NAP1L3: variants seen among roughly 807,000 people sequenced by gnomAD.
NAP1L3 encodes nucleosome assembly protein 1 like 3.
For synonymous variants in NAP1L3, 127 were observed against 131.9 expected, an observed-to-expected ratio of 0.96 and a Z score of 0.25; for missense variants, 378 against 369.9, an observed-to-expected ratio of 1.02 and a Z score of -0.18.
At position 93,673,172 on chromosome X, in the gene NAP1L3, T is replaced by A. The variant is rs756992591; in HGVS notation, c.133A>T (p.Ser45Cys). Residue 45 changes from serine (S) to cysteine (C), a missense_variant, in exon 1 of 1, where the codon AGC (serine) becomes TGC (cysteine). Transcript: ENST00000373079. ...SSSSSSSTSDSSSSSSTSGSS... is the reference protein window; with the variant it reads ...SSSSSSSTSDCSSSSSTSGSS... ...CCACTAGTGCTGCTGCTGCTGCTGC[T>A]GTCACTAGTGCTGCTGCTAGAGCTA... The A allele has an allele frequency of 8.3e-7, 1 of 1,211,193 alleles. No homozygotes were observed. The highest frequency in any genetic ancestry group is 1.8e-5 in the South Asian group (1 of 56,934).
In NAP1L3 at chrX:93,673,276, G is replaced by A. The variant is rs760945470; in HGVS notation, c.29C>T (p.Ser10Leu). MAEADFKMVSEPVAHGVAEE... is the reference protein window; with the variant it reads MAEADFKMVLEPVAHGVAEE... ...GGCAACCCCATGGGCGACAGGTTCC[G>A]AGACCATTTTAAAATCTGCTTCTGC... Residue 10 changes from serine to leucine, a missense_variant, in exon 1 of 1, where the codon TCG (serine) becomes TTG (leucine). Physicochemically the swap from Ser to Leu is moderately radical, Grantham distance 145 (BLOSUM62 -2). Transcript: ENST00000373079. 4 of 1,193,865 alleles carry A rather than the reference G, an allele frequency of 3.4e-6. No homozygotes were observed. The highest frequency in any genetic ancestry group is 2.3e-5 in the Admixed American group (1 of 43,828).
chrX:93,672,967 T>C lies in NAP1L3; in HGVS notation c.338A>G (p.Asn113Ser). The change falls in exon 1 of 1, where the codon AAC (asparagine) becomes AGC (serine). Residue 113 changes from asparagine to serine, a missense_variant. Physicochemically the swap from Asn to Ser is conservative, Grantham distance 46. Transcript: ENST00000373079. ...AVRNRVQALR[N>S]IQDECDKVDT... ...TACCTTGTCACATTCATCTTGAATG[T>C]TTCTAAGCGCTTGCACACGATTTCT... 1 of 1,211,905 alleles carries C rather than the reference T, an allele frequency of 8.3e-7. No homozygotes were observed. The highest frequency in any genetic ancestry group is 1.1e-6 in the Non-Finnish European group (1 of 895,587).
rs1924405984 is a variant in NAP1L3, at chrX:93,672,666, A to T, written c.639T>A (p.Ile213=). The T allele has an allele frequency of 8.3e-7, 1 of 1,210,749 alleles. No individual in the cohort carries two copies. The highest frequency in any genetic ancestry group is 1.1e-6 in the Non-Finnish European group (1 of 895,356). ...KAEEKEVPKE[I]PEVKDEEKEV... is the part of the protein sequence containing the mutation. ...CCTTTTCTTCATCCTTCACCTCAGG[A>T]ATTTCTTTAGGAACTTCCTTCTCTT... Residue 213 remains isoleucine, a synonymous_variant, in exon 1 of 1, where the codon ATT becomes ATA. Transcript: ENST00000373079.
At position 93,671,806 on chromosome X, in the gene NAP1L3, C is replaced by T. The variant is rs772029351; in HGVS notation, c.1499G>A (p.Gly500Glu). 1 of 1,198,891 alleles carries T rather than the reference C, an allele frequency of 8.3e-7. No homozygotes were observed. Among genetic ancestry groups the T allele is most frequent in the South Asian group, 1.8e-5 (1 of 55,035 alleles). ...GACTTATTTTCTGTATTTCTTGTTT[C>T]CATAATGTTTGCCAAATTGATAGTA... ...GTYYQFGKHY[G>E]NKKYRK The change falls in exon 1 of 1, where the codon GGA (glycine) becomes GAA (glutamate). Residue 500 changes from glycine to glutamate, a missense_variant. Transcript: ENST00000373079.
rs1323923437 is a variant in NAP1L3 at position 93,673,106 on chromosome X, T to A, written c.199A>T (p.Ser67Cys). The change falls in exon 1 of 1, where the codon AGC becomes TGC. Residue 67 changes from serine to cysteine, a missense_variant. Ser to Cys is a moderately radical substitution (Grantham distance 112, BLOSUM62 -1). Transcript: ENST00000373079. ...GSGSSSSSSGSTSSRSRLYRK... is the reference protein window; with the variant it reads ...GSGSSSSSSGCTSSRSRLYRK... ...TACAAGCGGCTGCGGCTGCTAGTGCTGCCGCTGCTGCTGCTGCTGCTGCCG... is the reference window on the plus strand; with the variant it reads ...TACAAGCGGCTGCGGCTGCTAGTGCAGCCGCTGCTGCTGCTGCTGCTGCCG... The A allele has an allele frequency of 8.3e-7, 1 of 1,205,066 alleles. No individual in the cohort carries two copies. The highest frequency in any genetic ancestry group is 2.2e-5 in the Admixed American group (1 of 45,302).
chrX:93,672,434 C>T lies in NAP1L3; in HGVS notation c.871G>A (p.Asp291Asn). The T allele has an allele frequency of 8.3e-7, 1 of 1,211,622 alleles. No homozygotes were observed. Among genetic ancestry groups the T allele is most frequent in the East Asian group, 3.0e-5 (1 of 33,812 alleles). ...HKRVPEERLQ[D>N]SVDLKRARKG... ...CTAGCTCTTTTAAGATCTACACTGT[C>T]CTGAAGCCTTTCCTCAGGAACTCTT... The change falls in exon 1 of 1, where the codon GAC (aspartate) becomes AAC (asparagine). Residue 291 changes from aspartate (D) to asparagine (N), a missense_variant. Physicochemically the swap from Asp to Asn is conservative, Grantham distance 23. Transcript: ENST00000373079.
chrX:93,673,024 G>T lies in NAP1L3; in HGVS notation c.281C>A (p.Thr94Lys), dbSNP rs767637414. The change falls in exon 1 of 1, where the codon ACA becomes AAA. Residue 94 changes from threonine (T) to lysine (K), a missense_variant. Thr to Lys is a moderately conservative substitution (Grantham distance 78, BLOSUM62 -1). Coordinates refer to ENST00000373079, the MANE Select transcript of NAP1L3 (RefSeq NM_004538.6). ...SRRARRAPLG[T>K]NFVDRLPQAV... ...CTGAGGCAGCCTATCCACGAAATTT[G>T]TTCCCAACGGGGCCCGCCGCGCCCT... is the stretch of plus-strand genomic sequence containing the variant. 2.5e-6 allele frequency: 3 copies of T among 1,210,924 alleles called. No homozygotes were observed. Among genetic ancestry groups the T allele is most frequent in the Admixed American group, 4.4e-5 (2 of 45,977 alleles).
rs754626237 is a variant in NAP1L3 at position 93,671,903 on chromosome X, T to C, written c.1402A>G (p.Ile468Val). ...ACATTATCATGTAAAATCTGCCCAATTTCAAAGTCCTCATCCAGGATAGCA... is the reference window on the plus strand; with the variant it reads ...ACATTATCATGTAAAATCTGCCCAACTTCAAAGTCCTCATCCAGGATAGCA... ...EDAILDEDFE[I>V]GQILHDNVIL... The change falls in exon 1 of 1, where the codon ATT becomes GTT. Residue 468 changes from isoleucine to valine, a missense_variant. Physicochemically the swap from Ile to Val is conservative, Grantham distance 29. Coordinates refer to ENST00000373079, the MANE Select transcript of NAP1L3 (RefSeq NM_004538.6). The C allele has an allele frequency of 1.7e-6, 2 of 1,211,050 alleles. No homozygotes were observed. Among genetic ancestry groups the C allele is most frequent in the Non-Finnish European group, 2.2e-6 (2 of 895,099 alleles).
At position 93,671,902 on chromosome X, in the gene NAP1L3, A is replaced by G; in HGVS notation, c.1403T>C (p.Ile468Thr). The G allele has an allele frequency of 4.1e-6, 5 of 1,210,943 alleles. No individual in the cohort carries two copies. Among genetic ancestry groups the G allele is most frequent in the Non-Finnish European group, 5.6e-6 (5 of 895,112 alleles). The change falls in exon 1 of 1, where the codon ATT becomes ACT. Residue 468 changes from isoleucine to threonine, a missense_variant. Ile to Thr is a moderately conservative substitution (Grantham distance 89, BLOSUM62 -1). Transcript: ENST00000373079. ...GACATTATCATGTAAAATCTGCCCA[A>G]TTTCAAAGTCCTCATCCAGGATAGC... ...EDAILDEDFE[I>T]GQILHDNVIL... is the part of the protein sequence containing the mutation.
Position 93,671,584 on chromosome X carries a change from C to T in NAP1L3, c.*200G>A, listed in dbSNP as rs892872331. On this transcript the variant is annotated 3_prime_UTR_variant, in exon 1 of 1. Transcript: ENST00000373079. ...TATTTTGAAGAATATTATACTACAA[C>T]AGCCTAGATAGAATAAACTGGCACT... 5.9e-6 allele frequency: 3 copies of T among 512,628 alleles called. No individual in the cohort carries two copies. In the East Asian group the frequency reaches 1.2e-4, roughly 20 times the overall value. The allele number at this position is 512,628 out of a possible 1,213,427, so 42.2% of individuals were successfully genotyped here.
rs1342491930 is a variant in NAP1L3 at position 93,672,399 on chromosome X, C to A, written c.906G>T (p.Lys302Asn). 1 of 1,083,217 alleles carries A rather than the reference C, an allele frequency of 9.2e-7. No homozygotes were observed. The highest frequency in any genetic ancestry group is 2.4e-5 in the South Asian group (1 of 41,003). 89.3% of individuals were successfully genotyped at this position (1,083,217 alleles called of 1,213,427 possible). ...SVDLKRARKGKPKREDPKGIP... is the reference protein window; with the variant it reads ...SVDLKRARKGNPKREDPKGIP... ...TGCCTTTAGGGTCTTCTCTTTTAGG[C>A]TTTCCCTTCCTAGCTCTTTTAAGAT... The change falls in exon 1 of 1, where the codon AAG (lysine) becomes AAT (asparagine). Residue 302 changes from lysine to asparagine, a missense_variant. Coordinates refer to ENST00000373079, the MANE Select transcript of NAP1L3 (RefSeq NM_004538.6).
chrX:93,672,234 G>A lies in NAP1L3; in HGVS notation c.1071C>T (p.Thr357=), dbSNP rs763645874. The part of the protein sequence containing the change: ...FSKPGQPVSY[T]FEFHFLPNPY... ...GGTTGGGTAGAAAATGAAATTCAAA[G>A]GTGTAACTTACAGGCTGGCCAGGTT... The change falls in exon 1 of 1, where the codon ACC becomes ACT. Residue 357 remains threonine (T), a synonymous_variant. Transcript: ENST00000373079. 8.3e-7 allele frequency: 1 copy of A among 1,209,737 alleles called. No individual in the cohort carries two copies. The highest frequency in any genetic ancestry group is 1.1e-6 in the Non-Finnish European group (1 of 895,233).
chrX:93,671,966 CAGG>C lies in NAP1L3; in HGVS notation c.1336_1338del (p.Pro446del), dbSNP rs1300007733. Reference sequence around the variant, plus strand: ...TCCAGCTTCCCAATCATAGGAATCTCAGGAGGACTAAAGAAGTTGAAGAATGAT... The same window carrying C: ...TCCAGCTTCCCAATCATAGGAATCTCAGGACTAAAGAAGTTGAAGAATGAT... On this transcript the variant is annotated inframe_deletion, in exon 1 of 1. Coordinates refer to ENST00000373079, the MANE Select transcript of NAP1L3 (RefSeq NM_004538.6). 1 of 1,208,603 alleles carries C rather than the reference CAGG, an allele frequency of 8.3e-7. No homozygotes were observed. Among genetic ancestry groups the C allele is most frequent in the Non-Finnish European group, 1.1e-6 (1 of 893,820 alleles).
rs1486828831 is a variant in NAP1L3 at position 93,671,653 on chromosome X, AACCACAAAAACTTG to A, written c.*117_*130del. On this transcript the variant is annotated 3_prime_UTR_variant, in exon 1 of 1. Coordinates refer to ENST00000373079, the MANE Select transcript of NAP1L3 (RefSeq NM_004538.6). ...ATTTTTAAAATATAGACTACCAAGA[AACCACAAAAACTTG>A]ACTATAAGGAATAATAGTGTTCAGG... is the stretch of plus-strand genomic sequence containing the variant. 4 of 1,017,720 alleles carry A rather than the reference AACCACAAAAACTTG, an allele frequency of 3.9e-6. No individual in the cohort carries two copies. Among genetic ancestry groups the A allele is most frequent in the Admixed American group, 8.2e-5 (2 of 24,433 alleles). The allele number at this position is 1,017,720 out of a possible 1,213,427, so 83.9% of individuals were successfully genotyped here.
At position 93,673,130 on chromosome X, in the gene NAP1L3, C is replaced by CGCT; in HGVS notation, c.172_174dup (p.Ser58dup). The CGCT allele has an allele frequency of 1.7e-6, 2 of 1,193,964 alleles. No individual in the cohort carries two copies. The highest frequency in any genetic ancestry group is 2.3e-6 in the Non-Finnish European group (2 of 885,807). Reference sequence around the variant, plus strand: ...CTGCCGCTGCTGCTGCTGCTGCTGCCGCTGCCGCTGCTGCTGCCACTAGTG... The same window carrying CGCT: ...CTGCCGCTGCTGCTGCTGCTGCTGCCGCTGCTGCCGCTGCTGCTGCCACTAGTG... On this transcript the variant is annotated inframe_insertion, in exon 1 of 1. Transcript: ENST00000373079.
Position 93,673,123 on chromosome X carries a change from C to CTAG in NAP1L3, c.181_182insCTA (p.Ser60_Ser61insThr), listed in dbSNP as rs1483031982. The CTAG allele has an allele frequency of 8.4e-7, 1 of 1,195,240 alleles. No homozygotes were observed. Among genetic ancestry groups the CTAG allele is most frequent in the South Asian group, 1.8e-5 (1 of 56,093 alleles). ...GCTAGTGCTGCCGCTGCTGCTGCTG[C>CTAG]TGCTGCCGCTGCCGCTGCTGCTGCC... On this transcript the variant is annotated inframe_insertion, in exon 1 of 1. Transcript: ENST00000373079.
chrX:93,673,538 G>T lies in NAP1L3; in HGVS notation c.-234C>A. ...GGCGGCAAGGCCTCTCCCGGCTGCA[G>T]CTAGAGTGCCGAGATGTACCGCAGC... On this transcript the variant is annotated 5_prime_UTR_variant, in exon 1 of 1. The change creates a new upstream start codon in the 5' untranslated region. Coordinates refer to ENST00000373079, the MANE Select transcript of NAP1L3 (RefSeq NM_004538.6). 2.2e-6 allele frequency: 1 copy of T among 446,575 alleles called. No individual in the cohort carries two copies. Among genetic ancestry groups the T allele is most frequent in the Middle Eastern group, 6.7e-4 (1 of 1,491 alleles). 36.8% of individuals were successfully genotyped at this position (446,575 alleles called of 1,213,427 possible).
rs1253012201 is a variant in NAP1L3 at position 93,673,109 on chromosome X, C to T, written c.196G>A (p.Gly66Ser). 15 of 1,201,142 alleles carry T rather than the reference C, an allele frequency of 1.2e-5. No individual in the cohort carries two copies. The highest frequency in any genetic ancestry group is 1.8e-5 in the African/African-American group (1 of 56,534). The change falls in exon 1 of 1, where the codon GGC becomes AGC. Residue 66 changes from glycine (G) to serine (S), a missense_variant. Coordinates refer to ENST00000373079, the MANE Select transcript of NAP1L3 (RefSeq NM_004538.6). ...AAGCGGCTGCGGCTGCTAGTGCTGC[C>T]GCTGCTGCTGCTGCTGCTGCCGCTG... is the stretch of plus-strand genomic sequence containing the variant. ...SGSGSSSSSS[G>S]STSSRSRLYR...
In NAP1L3 at chrX:93,673,236, A is replaced by G. The variant is rs1229980992; in HGVS notation, c.69T>C (p.Ala23=). 1 of 1,207,155 alleles carries G rather than the reference A, an allele frequency of 8.3e-7. No homozygotes were observed. Among genetic ancestry groups the G allele is most frequent in the Non-Finnish European group, 1.1e-6 (1 of 893,471 alleles). ...VAHGVAEEEM[A]SSTSDSGEES... ...CTTCCCCAGAATCACTAGTCGAGCT[A>G]GCCATCTCCTCTTCGGCAACCCCAT... is the stretch of plus-strand genomic sequence containing the variant. Residue 23 remains alanine, a synonymous_variant, in exon 1 of 1, where the codon GCT becomes GCC. Transcript: ENST00000373079.
Sources: gnomAD v4.1 joint callset for allele counts on GRCh38, gnomAD v4.1.1 for gene constraint, MANE v1.5 for transcripts, NCBI Gene and HGNC (gene_info 2026-07-23, HGNC 2026-07-21) for gene names.